ZNF804A: variants seen among roughly 807,000 people sequenced by gnomAD.
The protein encoded by ZNF804A is zinc finger protein 804A.
Under a neutral mutation model 16.5 loss-of-function variants are expected in ZNF804A, and 2 were observed. That is an observed-to-expected ratio of 0.12 (90% CI 0.05 to 0.38). ZNF804A has a LOEUF of 0.38. ZNF804A is among the 10% of genes least tolerant of loss of function. The pLI, the probability that ZNF804A is intolerant of heterozygous loss-of-function variation, is 0.99. For missense variants in ZNF804A, 1,473 were observed against 1,390.7 expected (o/e 1.06, Z -0.94); for synonymous variants, 534 against 489.6 (o/e 1.09, Z -1.20).
intron 2 of ZNF804A, among the ~76,000 whole-genome samples, chr2:184,920,185 C>T (rs1685508487): frequency 6.6e-6 from 1 of 152,130 alleles, no homozygotes; most frequent in African/African-American, 2.4e-5. Context: ...GCCTGCATGT[C>T]ATACAGGACC....
intron 2 of ZNF804A, among the ~76,000 whole-genome samples, chr2:184,913,073 A>G (rs1159093098): frequency 6.6e-6 from 1 of 152,066 alleles, no homozygotes; most frequent in Non-Finnish European, 1.5e-5. Flanking sequence ...TTTTATATTT[A>G]TGTTTTTAAT....
intron 1 of ZNF804A, among the ~76,000 whole-genome samples, chr2:184,702,818 T>A (rs1692943548): frequency 6.6e-6 from 1 of 152,192 alleles, no homozygotes; most frequent in Non-Finnish European, 1.5e-5. Flanking sequence ...AATTTGCCTC[T>A]GTATGTTATG....
At chr2:184,614,836 A>G (rs2105674877) in intron 1 of ZNF804A, among the ~76,000 whole-genome samples, 1 of 152,324 alleles carries the variant, frequency 6.6e-6, no homozygotes, top group African/African-American at 2.4e-5. Flanking sequence ...CCACAATGAG[A>G]TACCATCTCA....
At chr2:184,902,909 T>C (rs1471001565) in intron 2 of ZNF804A, among the ~76,000 whole-genome samples, 1 of 152,194 alleles carries the variant, frequency 6.6e-6, no homozygotes, top group Non-Finnish European at 1.5e-5. Context: ...CCAAGGAATG[T>C]ACAGTTACAA....
In ZNF804A at chr2:184,834,283, TC is replaced by T. The variant is rs1348991869; in HGVS notation, c.112-32085del. Among the ~76,000 whole-genome samples the T allele has an allele frequency of 2.6e-5, 4 of 152,084 alleles. No homozygotes were observed. The South Asian group carries it at 8.3e-4, about 32-fold the overall frequency. Reference sequence around the variant, plus strand: ...CACTGGAAGATTCTTCAAGCTGGCTTCTATGAAGTTCTGATATGTACCATCA... The same window carrying T: ...CACTGGAAGATTCTTCAAGCTGGCTTTATGAAGTTCTGATATGTACCATCA... On this transcript the variant is annotated intron_variant, in intron 1 of 3. Coordinates refer to ENST00000302277, the MANE Select transcript of ZNF804A (RefSeq NM_194250.2).
intron 1 of ZNF804A, among the ~76,000 whole-genome samples, chr2:184,613,192 C>T (rs1691265864): frequency 6.6e-6 from 1 of 152,192 alleles, no homozygotes; most frequent in Non-Finnish European, 1.5e-5. Context: ...AAAATAAGGG[C>T]AATATCTATT....
chr2:184,636,321 T>C (rs74530737), intron 1 of ZNF804A, among the ~76,000 whole-genome samples: 2 of 147,636 alleles, frequency 1.4e-5, no homozygotes, highest in African/African-American at 5.0e-5. Flanking sequence ...TGTGTGTGTG[T>C]GAGAGAGAGA....
At chr2:184,842,774 T>C (rs920925075) in intron 1 of ZNF804A, among the ~76,000 whole-genome samples, 1 of 152,112 alleles carries the variant, frequency 6.6e-6, no homozygotes, top group East Asian at 1.9e-4. Flanking sequence ...TTAGTCTTGA[T>C]AGAAAAAATA....
chr2:184,838,016 AGGC>A (rs2105798660), intron 1 of ZNF804A, among the ~76,000 whole-genome samples: 1 of 152,268 alleles, frequency 6.6e-6, no homozygotes, highest in East Asian at 1.9e-4. Context: ...AAATTTCTGA[AGGC>A]AGGACCTGGT....
chr2:184,818,329 A>C lies in ZNF804A; in HGVS notation c.112-48040A>C, dbSNP rs370745280. Among the ~76,000 whole-genome samples, 3 of 152,168 alleles carry C rather than the reference A, an allele frequency of 2.0e-5. No individual in the cohort carries two copies. In the East Asian group the frequency reaches 5.8e-4, roughly 29 times the overall value. ...AACTAAGCTTCAGAAGTGAAAGAGA[A>C]AGAGGATCCTTTACAGACAAACAAA... is the stretch of plus-strand genomic sequence containing the variant. On this transcript the variant is annotated intron_variant, in intron 1 of 3. Transcript: ENST00000302277.
At chr2:184,770,740 A>T (rs535809159) in intron 1 of ZNF804A, among the ~76,000 whole-genome samples, 4 of 152,040 alleles carry the variant, frequency 2.6e-5, no homozygotes, top group Non-Finnish European at 5.9e-5. Context: ...ACCACTACCA[A>T]ATATCTAAAA....
At chr2:184,839,227 T>G (rs908535972) in intron 1 of ZNF804A, among the ~76,000 whole-genome samples, 1 of 152,058 alleles carries the variant, frequency 6.6e-6, no homozygotes, top group Non-Finnish European at 1.5e-5. Flanking sequence ...TGTATGTAAT[T>G]TAAACAAATG....
intron 1 of ZNF804A, among the ~76,000 whole-genome samples, chr2:184,808,523 A>T (rs1366254373): frequency 6.6e-6 from 1 of 151,614 alleles, no homozygotes; most frequent in East Asian, 1.9e-4. Flanking sequence ...CAGATTTAGA[A>T]TAATACATAT....
intron 1 of ZNF804A, among the ~76,000 whole-genome samples, chr2:184,760,107 A>G (rs956790707): frequency 2.6e-5 from 4 of 152,066 alleles, no homozygotes; most frequent in African/African-American, 7.2e-5. Context: ...TAAGGCAGGA[A>G]CAGGCCATTT....
At chr2:184,833,589 T>C (rs754986075) in intron 1 of ZNF804A, among the ~76,000 whole-genome samples, 1 of 152,126 alleles carries the variant, frequency 6.6e-6, no homozygotes, top group African/African-American at 2.4e-5. Flanking sequence ...GATGCGTTGT[T>C]GGTTTTAGGT....
In ZNF804A at chr2:184,688,731, A is replaced by C. The variant is rs117238895; in HGVS notation, c.111+89661A>C. Among the ~76,000 whole-genome samples the C allele has an allele frequency of 4.6e-4, 70 of 152,304 alleles. No homozygotes were observed. In the East Asian group the frequency reaches 8.9e-3, roughly 19 times the overall value. On this transcript the variant is annotated intron_variant, in intron 1 of 3. Transcript: ENST00000302277. Reference sequence around the variant, plus strand: ...TTATGAACAATTAAAGGAAATAACAATGTTTCTTTGTGCTAAAAGGAACAT... The same window carrying C: ...TTATGAACAATTAAAGGAAATAACACTGTTTCTTTGTGCTAAAAGGAACAT...
chr2:184,670,029 A>G (rs145479101), intron 1 of ZNF804A, among the ~76,000 whole-genome samples: 5 of 152,184 alleles, frequency 3.3e-5, no homozygotes, highest in Non-Finnish European at 7.4e-5. Flanking sequence ...TAAGTTTTTA[A>G]TGATAGCTTA....
intron 1 of ZNF804A, among the ~76,000 whole-genome samples, chr2:184,812,233 C>T (rs1381823922): frequency 6.6e-6 from 1 of 152,140 alleles, no homozygotes; most frequent in African/African-American, 2.4e-5. Flanking sequence ...ATGGCCATGT[C>T]TTTTCTAGTC....
intron 1 of ZNF804A, among the ~76,000 whole-genome samples, chr2:184,616,523 T>G (rs1017843794): frequency 2.0e-5 from 3 of 152,162 alleles, no homozygotes. Context: ...ATTTCCATCT[T>G]ATAGAAGAAT....
Sources: gnomAD v4.1 joint callset for allele counts (sites outside exome capture counted in the v4.1 genomes callset) on GRCh38, gnomAD v4.1.1 for gene constraint, MANE v1.5 for transcripts, NCBI Gene and HGNC (gene_info 2026-07-23, HGNC 2026-07-21) for gene names.